ARHGAP15: variants seen among roughly 807,000 people sequenced by gnomAD.
The protein encoded by ARHGAP15 is rho GTPase-activating protein 15.
Under a neutral mutation model 63.7 loss-of-function variants are expected in ARHGAP15, and 51 were observed. That is an observed-to-expected ratio of 0.80 (90% CI 0.64 to 1.01). ARHGAP15 has a LOEUF of 1.01. Among genes scored for constraint, ARHGAP15 ranks in the 50% least tolerant of loss-of-function variants. ARHGAP15 has a pLI of 0.00. For missense variants in ARHGAP15, 560 were observed against 564.6 expected (o/e 0.99, Z 0.08); for synonymous variants, 191 against 193.8 (o/e 0.99, Z 0.12).
chr2:143,612,469 C>T (rs576324315), intron 11 of ARHGAP15, among the ~76,000 whole-genome samples: 5 of 152,308 alleles, frequency 3.3e-5, no homozygotes, highest in Admixed American at 3.3e-4. Context: ...GACATCCTTC[C>T]TCACCCATCT....
chr2:143,316,511 T>C (rs1377319683), intron 6 of ARHGAP15, among the ~76,000 whole-genome samples: 1 of 148,332 alleles, frequency 6.7e-6, no homozygotes, highest in African/African-American at 2.5e-5. Context: ...TTGTAATATA[T>C]ACATATATAT....
chr2:143,656,335 C>A (rs1285740349), intron 12 of ARHGAP15, among the ~76,000 whole-genome samples: 1 of 152,158 alleles, frequency 6.6e-6, no homozygotes, highest in Non-Finnish European at 1.5e-5. Context: ...GTGATGCTCC[C>A]GGTTTAGTTA....
chr2:143,331,629 G>A (rs1466013016), intron 6 of ARHGAP15, among the ~76,000 whole-genome samples: 1 of 152,130 alleles, frequency 6.6e-6, no homozygotes, highest in Non-Finnish European at 1.5e-5. Context: ...AGACACATCT[G>A]CTTTCATATA....
intron 11 of ARHGAP15, among the ~76,000 whole-genome samples, chr2:143,591,436 G>T (rs989503710): frequency 6.6e-6 from 1 of 152,062 alleles, no homozygotes; most frequent in Non-Finnish European, 1.5e-5. Flanking sequence ...TGCAAAAGTG[G>T]CACAGCCTTG....
chr2:143,575,296 G>A (rs777639242), intron 11 of ARHGAP15, among the ~76,000 whole-genome samples: 13 of 152,138 alleles, frequency 8.5e-5, no homozygotes, highest in African/African-American at 1.2e-4. Flanking sequence ...TATCTCTGGT[G>A]AAAATGTCTT....
intron 2 of ARHGAP15, among the ~76,000 whole-genome samples, chr2:143,183,722 C>T (rs913322323): frequency 5.7e-5 from 8 of 139,924 alleles, no homozygotes; most frequent in South Asian, 2.2e-4. Flanking sequence ...TTTTTCTTTT[C>T]TTTTTTTTTT....
chr2:143,374,283 A>C (rs1686708249), intron 6 of ARHGAP15, among the ~76,000 whole-genome samples: 1 of 152,110 alleles, frequency 6.6e-6, no homozygotes, highest in African/African-American at 2.4e-5. Flanking sequence ...TTGTCACTGG[A>C]ATGTACCACT....
chr2:143,297,309 C>T (rs1682679574), intron 6 of ARHGAP15, among the ~76,000 whole-genome samples: 1 of 151,956 alleles, frequency 6.6e-6, no homozygotes, highest in African/African-American at 2.4e-5. Context: ...CAAGTTTGCA[C>T]ACCATCCATA....
intron 5 of ARHGAP15, among the ~76,000 whole-genome samples, chr2:143,239,701 A>T (rs752192981): frequency 4.6e-5 from 7 of 152,046 alleles, no homozygotes; most frequent in African/African-American, 7.2e-5. Flanking sequence ...GTTTTTTTTT[A>T]AAAGATTAGT....
intron 10 of ARHGAP15, among the ~76,000 whole-genome samples, chr2:143,543,793 G>A (rs1695207938): frequency 2.0e-5 from 3 of 152,160 alleles, no homozygotes; most frequent in South Asian, 4.2e-4. Flanking sequence ...TTTAAATAAG[G>A]GAACAACTGT....
At chr2:143,706,302 T>A (rs1684323183) in intron 13 of ARHGAP15, 1 of 152,198 alleles carries the variant, frequency 6.6e-6, no homozygotes. Context: ...GAAAGAATCA[T>A]TAGAATGTTT....
At chr2:143,302,831 A>G (rs755842064) in intron 6 of ARHGAP15, among the ~76,000 whole-genome samples, 57 of 152,040 alleles carry the variant, frequency 3.7e-4, no homozygotes, top group Non-Finnish European at 6.0e-4. Flanking sequence ...AACTCTTGTA[A>G]TCTAACCCTG....
chr2:143,357,669 T>C lies in ARHGAP15; in HGVS notation c.475-77932T>C, dbSNP rs1178227757. 2.6e-5 allele frequency among the ~76,000 whole-genome samples: 4 copies of C among 152,178 alleles called. No individual in the cohort carries two copies. The East Asian group carries it at 7.7e-4, about 29-fold the overall frequency. ...ATAGGCAAGTGTTTACTCTTAAAGC[T>C]TTAAACAATTTAAGATTAAGTTGAG... is the stretch of plus-strand genomic sequence containing the variant. On this transcript the variant is annotated intron_variant, in intron 6 of 13. Transcript: ENST00000295095.
chr2:143,130,262 C>T (rs1211159260), intron 1 of ARHGAP15, among the ~76,000 whole-genome samples: 1 of 152,014 alleles, frequency 6.6e-6, no homozygotes, highest in East Asian at 1.9e-4. Flanking sequence ...CCTAAACTGA[C>T]ATGTAATTTT....
intron 8 of ARHGAP15, among the ~76,000 whole-genome samples, chr2:143,467,479 T>C (rs112089273): frequency 0.018 from 2,674 of 152,128 alleles, 85 homozygotes; most frequent in African/African-American, 0.062. Flanking sequence ...TTTGGGGTTG[T>C]ATAATCTTCA....
intron 13 of ARHGAP15, among the ~76,000 whole-genome samples, chr2:143,707,110 G>A (rs986630643): frequency 6.6e-6 from 1 of 152,142 alleles, no homozygotes; most frequent in African/African-American, 2.4e-5. Flanking sequence ...AAAATTGCAT[G>A]ATGTGCTCAG....
At chr2:143,681,901 A>G (rs1332386553) in intron 12 of ARHGAP15, among the ~76,000 whole-genome samples, 1 of 152,216 alleles carries the variant, frequency 6.6e-6, no homozygotes, top group African/African-American at 2.4e-5. Flanking sequence ...AAGCAGCTAC[A>G]GGACCACCAT....
intron 5 of ARHGAP15, among the ~76,000 whole-genome samples, chr2:143,239,753 G>C (rs1175081506): frequency 6.6e-6 from 1 of 152,066 alleles, no homozygotes; most frequent in African/African-American, 2.4e-5. Context: ...TACTTTGGGA[G>C]CCCAAGGCAG....
chr2:143,170,273 C>T (rs1690720287), intron 2 of ARHGAP15, among the ~76,000 whole-genome samples: 1 of 152,132 alleles, frequency 6.6e-6, no homozygotes, highest in Non-Finnish European at 1.5e-5. Context: ...CTACAATTCA[C>T]AGTGAGCTCT....
Sources: allele counts gnomAD v4.1 joint callset (sites outside exome capture counted in the v4.1 genomes callset), GRCh38; gene constraint gnomAD v4.1.1; transcripts MANE v1.5; gene names NCBI Gene and HGNC (gene_info 2026-07-23, HGNC 2026-07-21).